Variants in KCNAB1 observed in about 807,000 individuals in gnomAD.
The protein encoded by KCNAB1 is potassium voltage-gated channel subfamily A regulatory beta subunit 1.
A neutral mutation model predicts 64.6 loss-of-function variants in KCNAB1; 35 were observed. The observed-to-expected ratio is 0.54, with a 90% confidence interval of 0.41 to 0.72. The LOEUF is 0.72. KCNAB1 is among the 30% of genes least tolerant of loss of function. KCNAB1 has a pLI of 0.00. For synonymous variants in KCNAB1, 177 were observed against 183.8 expected (o/e 0.96, Z 0.30); for missense variants, 401 against 512.9 (o/e 0.78, Z 2.11).
intron 1 of KCNAB1, among the ~76,000 whole-genome samples, chr3:156,316,648 C>A (rs1404307785): frequency 2.6e-5 from 4 of 152,220 alleles, no homozygotes; most frequent in African/African-American, 7.2e-5. Context: ...CAGCTCCCAA[C>A]CCTGAAGAGG....
intron 2 of KCNAB1, among the ~76,000 whole-genome samples, chr3:156,430,821 C>G (rs1316091303): frequency 6.6e-6 from 1 of 152,112 alleles, no homozygotes; most frequent in East Asian, 1.9e-4. Context: ...TGTGTAGGGC[C>G]CCTTGCGTCT....
At chr3:156,310,775 G>A (rs1415838485) in intron 1 of KCNAB1, among the ~76,000 whole-genome samples, 1 of 152,152 alleles carries the variant, frequency 6.6e-6, no homozygotes. Flanking sequence ...CTGCACTCCA[G>A]CCTGGGTGAC....
intron 4 of KCNAB1, 40 bp from the exon 5 acceptor site, chr3:156,459,787 G>A: frequency 2.7e-6 from 4 of 1,495,098 alleles, no homozygotes; most frequent in Non-Finnish European, 3.7e-6. Flanking sequence ...TGCTTTTCCA[G>A]GACACTGCAT....
chr3:156,127,754 G>A (rs6778035), intron 1 of KCNAB1, among the ~76,000 whole-genome samples: 95,793 of 152,010 alleles, frequency 0.63, 30,498 homozygotes, highest in Admixed American at 0.74. Context: ...ATCCCTGGAC[G>A]GGCACATCCA....
intron 1 of KCNAB1, among the ~76,000 whole-genome samples, chr3:156,308,293 G>C (rs184741877): frequency 9.1e-4 from 139 of 152,302 alleles, no homozygotes; most frequent in African/African-American, 3.3e-3. Flanking sequence ...GATATTGAGG[G>C]CCCTGTGGGC....
chr3:156,282,813 T>G (rs200374874), intron 1 of KCNAB1, among the ~76,000 whole-genome samples: 4,785 of 139,396 alleles, frequency 0.034, 133 homozygotes, highest in South Asian at 0.13. Flanking sequence ...GTTTTCCATT[T>G]GCTTGGTAGA....
At chr3:156,244,631 G>A (rs948791788) in intron 1 of KCNAB1, among the ~76,000 whole-genome samples, 12 of 152,068 alleles carry the variant, frequency 7.9e-5, no homozygotes, top group East Asian at 3.9e-4. Flanking sequence ...AGAGTAAGCC[G>A]CTTACTCCCC....
rs941543183 is a variant in KCNAB1 at position 156,170,919 on chromosome 3, A to C, written c.275+50033A>C. On this transcript the variant is annotated intron_variant, in intron 1 of 13. Transcript: ENST00000490337. The stretch of plus-strand genomic sequence containing the variant: ...ATAGCAGAACAATTTCCTGTTAACT[A>C]ATATGATGTTTTGACTCTTGGTTTT... Among the ~76,000 whole-genome samples, 3 of 152,298 alleles carry C rather than the reference A, an allele frequency of 2.0e-5. 1 individual carries two copies.
intron 1 of KCNAB1, among the ~76,000 whole-genome samples, chr3:156,284,434 T>C (rs1477094684): frequency 6.6e-6 from 1 of 152,240 alleles, no homozygotes; most frequent in East Asian, 1.9e-4. Context: ...GTCTGTGTCC[T>C]GCCCCCAGAG....
rs180890810 is a variant in KCNAB1, at chr3:156,499,631, G to T, written c.659-14733G>T. 9.5e-3 allele frequency among the ~76,000 whole-genome samples: 1,447 copies of T among 152,256 alleles called. 16 individuals carry two copies. The Middle Eastern group carries it at 0.095, about 10-fold the overall frequency. On this transcript the variant is annotated intron_variant, in intron 8 of 13. Coordinates refer to ENST00000490337, the MANE Select transcript of KCNAB1 (RefSeq NM_172160.3). ...ATTTTGCTTCATTCTGTTTGAGCTT[G>T]GGGGCTAGTGGGTAGGGCTGGTTTT...
intron 1 of KCNAB1, among the ~76,000 whole-genome samples, chr3:156,141,159 C>T (rs1205260509): frequency 1.3e-5 from 2 of 151,970 alleles, no homozygotes; most frequent in Admixed American, 1.3e-4. Context: ...CCTAGTTTCC[C>T]CAAATGATGG....
intron 1 of KCNAB1, among the ~76,000 whole-genome samples, chr3:156,292,538 CTTTTG>C (rs1720503660): frequency 6.6e-6 from 1 of 151,958 alleles, no homozygotes; most frequent in African/African-American, 2.4e-5. Context: ...TCTTATTTAT[CTTTTG>C]TTTGTTTTGT....
At chr3:156,531,002 A>C (rs2280032) in intron 12 of KCNAB1, among the ~76,000 whole-genome samples, 82,599 of 151,960 alleles carry the variant, frequency 0.54, 22,705 homozygotes, top group East Asian at 0.62. Flanking sequence ...GAAAGCAAAA[A>C]GGCCTTAAGC....
intron 1 of KCNAB1, among the ~76,000 whole-genome samples, chr3:156,146,826 CT>C (rs775163477): frequency 2.0e-5 from 3 of 152,230 alleles, no homozygotes; most frequent in Non-Finnish European, 4.4e-5. Context: ...AAAAATCATT[CT>C]TAGCTTGTGG....
chr3:156,516,759 C>G (rs1014240663), intron 11 of KCNAB1, among the ~76,000 whole-genome samples: 2 of 152,178 alleles, frequency 1.3e-5, no homozygotes, highest in Admixed American at 6.5e-5. Flanking sequence ...TCTTGACAAA[C>G]AAAGTGTAAG....
At chr3:156,266,698 C>T (rs537005942) in intron 1 of KCNAB1, among the ~76,000 whole-genome samples, 1 of 152,296 alleles carries the variant, frequency 6.6e-6, no homozygotes, top group East Asian at 1.9e-4. Flanking sequence ...CACTCCCTGC[C>T]TGACTTCTCA....
chr3:156,400,834 A>G (rs1713837157), intron 1 of KCNAB1, among the ~76,000 whole-genome samples: 1 of 152,148 alleles, frequency 6.6e-6, no homozygotes, highest in South Asian at 2.1e-4. Context: ...AATACCATCA[A>G]GCAGAGTTTC....
At chr3:156,447,939 C>G (rs1711702085) in intron 2 of KCNAB1, among the ~76,000 whole-genome samples, 1 of 152,142 alleles carries the variant, frequency 6.6e-6, no homozygotes, top group South Asian at 2.1e-4. Context: ...AAATGGTAAA[C>G]ATGTTTTTTG....
intron 1 of KCNAB1, among the ~76,000 whole-genome samples, chr3:156,159,840 A>G (rs1715970421): frequency 2.0e-5 from 3 of 152,240 alleles, no homozygotes; most frequent in African/African-American, 7.2e-5. Context: ...GAATTGTTCA[A>G]ATCAACAAGA....
Sources: gnomAD v4.1 joint callset for allele counts (sites outside exome capture counted in the v4.1 genomes callset) on GRCh38, gnomAD v4.1.1 for gene constraint, MANE v1.5 for transcripts, NCBI Gene and HGNC (gene_info 2026-07-23, HGNC 2026-07-21) for gene names.